Variants in MAPK8 observed in about 807,000 individuals in gnomAD.
MAPK8 encodes mitogen-activated protein kinase 8.
Under a neutral mutation model 52.9 loss-of-function variants are expected in MAPK8, and 13 were observed. The observed-to-expected ratio is 0.25, with a 90% CI of 0.16 to 0.39. MAPK8 has a LOEUF of 0.39. Ranked by LOEUF, MAPK8 falls within the 10% of genes least tolerant of loss-of-function variation. The pLI, the probability that MAPK8 is intolerant of heterozygous loss-of-function variation, is 1.00. For missense variants in MAPK8, 300 were observed against 519.2 expected, an observed-to-expected ratio of 0.58 and a Z score of 4.10; for synonymous variants, 191 against 169.8, an observed-to-expected ratio of 1.12 and a Z score of -0.97.
chr10:48,425,023 A>G (rs1370271887), intron 7 of MAPK8, among the ~76,000 whole-genome samples: 6 of 152,104 alleles, frequency 3.9e-5, no homozygotes. Flanking sequence ...CACATAACAT[A>G]CTGACCCTTT....
At chr10:48,342,935 G>A (rs1451695890) in intron 1 of MAPK8, among the ~76,000 whole-genome samples, 2 of 152,156 alleles carry the variant, frequency 1.3e-5, no homozygotes, top group Non-Finnish European at 2.9e-5. Context: ...CCAGAGCAAA[G>A]GAATATAGAA....
At chr10:48,313,673 G>A (rs565745698) in intron 1 of MAPK8, among the ~76,000 whole-genome samples, 1 of 152,330 alleles carries the variant, frequency 6.6e-6, no homozygotes, top group Admixed American at 6.5e-5. Context: ...GTACTGTATA[G>A]CCTCTGCTCT....
At chr10:48,415,322 A>C (rs976883615) in intron 5 of MAPK8, among the ~76,000 whole-genome samples, 1 of 152,120 alleles carries the variant, frequency 6.6e-6, no homozygotes, top group African/African-American at 2.4e-5. Context: ...AGTAAAGCAC[A>C]CCCCTCCAAA....
intron 1 of MAPK8, among the ~76,000 whole-genome samples, chr10:48,350,923 A>T (rs1846260369): frequency 6.6e-6 from 1 of 152,234 alleles, no homozygotes; most frequent in Non-Finnish European, 1.5e-5. Flanking sequence ...GCAAAGTCTT[A>T]GCATACAAAA....
intron 1 of MAPK8, among the ~76,000 whole-genome samples, chr10:48,352,640 A>G (rs1021750604): frequency 3.9e-5 from 6 of 152,236 alleles, no homozygotes; most frequent in African/African-American, 1.4e-4. Flanking sequence ...AAGAATATTT[A>G]TAGAAAATAA....
Position 48,383,048 on chromosome 10 carries a change from T to C in MAPK8, c.-49-18564T>C, listed in dbSNP as rs559619192. ...GAAAAAAAAATATTTTCAAGTTTCT[T>C]AACAGATTTTAGCTGGAATAAACAG... On this transcript the variant is annotated intron_variant, in intron 1 of 11. Transcript: ENST00000374189. 4.0e-5 allele frequency among the ~76,000 whole-genome samples: 6 copies of C among 151,848 alleles called. No individual in the cohort carries two copies. The East Asian group carries it at 1.2e-3, about 29-fold the overall frequency.
intron 3 of MAPK8, among the ~76,000 whole-genome samples, chr10:48,407,526 T>G (rs757962929): frequency 6.6e-6 from 1 of 152,226 alleles, no homozygotes; most frequent in Non-Finnish European, 1.5e-5. Context: ...CTGTCCAGTC[T>G]ATAACTGATA....
At chr10:48,344,563 T>C (rs1589011296) in intron 1 of MAPK8, among the ~76,000 whole-genome samples, 1 of 152,326 alleles carries the variant, frequency 6.6e-6, no homozygotes, top group East Asian at 1.9e-4. Flanking sequence ...GACTGTTTTC[T>C]TACCAGGATC....
At chr10:48,315,592 T>C (rs1205979648) in intron 1 of MAPK8, among the ~76,000 whole-genome samples, 2 of 133,752 alleles carry the variant, frequency 1.5e-5, no homozygotes, top group Non-Finnish European at 3.3e-5. Context: ...TGCTGTTTTA[T>C]ATATTTAAGT....
chr10:48,401,442 A>G (rs2042154572), intron 1 of MAPK8, among the ~76,000 whole-genome samples, 170 bp from the exon 2 acceptor site: 2 of 152,144 alleles, frequency 1.3e-5, no homozygotes, highest in South Asian at 2.1e-4. Flanking sequence ...TTCATATGGC[A>G]TATGCTAATC....
intron 1 of MAPK8, among the ~76,000 whole-genome samples, chr10:48,338,582 C>T (rs935556745): frequency 1.3e-5 from 2 of 152,072 alleles, no homozygotes; most frequent in Non-Finnish European, 2.9e-5. Flanking sequence ...CTAGCCAAAG[C>T]AATCAGACAA....
rs537158482 is a variant in MAPK8, at chr10:48,395,620, T to G, written c.-49-5992T>G. Among the ~76,000 whole-genome samples the G allele has an allele frequency of 9.2e-5, 14 of 152,218 alleles. No homozygotes were observed. In the East Asian group the frequency reaches 2.3e-3, roughly 25 times the overall value. On this transcript the variant is annotated intron_variant, in intron 1 of 11. Transcript: ENST00000374189. The stretch of plus-strand genomic sequence containing the variant: ...TCCTATCAAAATCTTAGCATTATTT[T>G]TTGTAGACATGGACAAATTTATTCT...
At chr10:48,375,482 TA>T (rs1185884855) in intron 1 of MAPK8, among the ~76,000 whole-genome samples, 1 of 83,410 alleles carries the variant, frequency 1.2e-5, no homozygotes, top group Non-Finnish European at 2.3e-5. Context: ...ATTGTATATT[TA>T]AAAAAACCCC....
At chr10:48,419,018 A>T (rs960427527) in intron 5 of MAPK8, among the ~76,000 whole-genome samples, 3 of 152,180 alleles carry the variant, frequency 2.0e-5, no homozygotes, top group Admixed American at 2.0e-4. Flanking sequence ...TTTTAGAAGT[A>T]TTAGCAACAT....
intron 1 of MAPK8, among the ~76,000 whole-genome samples, chr10:48,340,301 A>G (rs1198148676): frequency 2.0e-5 from 3 of 152,192 alleles, no homozygotes; most frequent in Non-Finnish European, 4.4e-5. Flanking sequence ...GCAGAAACAG[A>G]AAAATACCGT....
chr10:48,420,910 G>A (rs1412526852), intron 6 of MAPK8, among the ~76,000 whole-genome samples: 2 of 152,202 alleles, frequency 1.3e-5, no homozygotes, highest in African/African-American at 4.8e-5. Flanking sequence ...CTAAGAATCA[G>A]TGTTGAACAA....
At chr10:48,314,024 CA>C (rs1842247685) in intron 1 of MAPK8, among the ~76,000 whole-genome samples, 1 of 152,176 alleles carries the variant, frequency 6.6e-6, no homozygotes, top group African/African-American at 2.4e-5. Flanking sequence ...ATGTAAATGG[CA>C]TGCTTTTTTA....
At chr10:48,403,872 C>T (rs902006096) in intron 2 of MAPK8, among the ~76,000 whole-genome samples, 37 of 150,430 alleles carry the variant, frequency 2.5e-4, no homozygotes, top group Non-Finnish European at 4.7e-4. Context: ...CCTCAGCCTC[C>T]GGAGTAGCTG....
intron 1 of MAPK8, among the ~76,000 whole-genome samples, chr10:48,392,311 A>T (rs183001538): frequency 2.6e-4 from 39 of 152,198 alleles, no homozygotes; most frequent in Admixed American, 2.4e-3. Context: ...TCAGAGAGAG[A>T]GATTCTGTTT....
Sources: allele counts gnomAD v4.1 joint callset (sites outside exome capture counted in the v4.1 genomes callset), GRCh38; gene constraint gnomAD v4.1.1; transcripts MANE v1.5; gene names NCBI Gene and HGNC (gene_info 2026-07-23, HGNC 2026-07-21).